ST6GALNAC5: variants seen among roughly 807,000 people sequenced by gnomAD.
ST6GALNAC5 encodes the protein ST6 N-acetylgalactosaminide alpha-2,6-sialyltransferase 5.
Under a neutral mutation model 33.6 loss-of-function variants are expected in ST6GALNAC5, and 27 were observed. The observed-to-expected ratio is 0.80, with a 90% CI of 0.59 to 1.11. ST6GALNAC5 has a LOEUF of 1.11. Among genes scored for constraint, ST6GALNAC5 ranks in the 50% least tolerant of loss-of-function variants. The pLI is 0.00. For synonymous variants in ST6GALNAC5, 194 were observed against 171.2 expected, an observed-to-expected ratio of 1.13 and a Z score of -1.04; for missense variants, 428 against 454.0, an observed-to-expected ratio of 0.94 and a Z score of 0.52.
At chr1:76,899,559 G>A (rs758099688) in intron 2 of ST6GALNAC5, among the ~76,000 whole-genome samples, 12 of 152,158 alleles carry the variant, frequency 7.9e-5, no homozygotes, top group South Asian at 2.1e-4. Context: ...GCGTCCCTGC[G>A]TGGTCTGACA....
At chr1:76,982,523 C>A (rs1409904939) in intron 2 of ST6GALNAC5, among the ~76,000 whole-genome samples, 3 of 151,960 alleles carry the variant, frequency 2.0e-5, no homozygotes, top group African/African-American at 7.2e-5. Context: ...GTGAAAAGAC[C>A]AAATCTACAT....
intron 2 of ST6GALNAC5, among the ~76,000 whole-genome samples, chr1:76,952,705 A>T (rs1647799206): frequency 6.6e-6 from 1 of 152,114 alleles, no homozygotes; most frequent in East Asian, 1.9e-4. Flanking sequence ...TAAAAAGTTT[A>T]AAAAATTAAA....
At chr1:77,000,988 T>C (rs930977875) in intron 2 of ST6GALNAC5, among the ~76,000 whole-genome samples, 2 of 150,968 alleles carry the variant, frequency 1.3e-5, no homozygotes, top group African/African-American at 4.9e-5. Context: ...CTTTTTTGGT[T>C]CCATATGAAC....
intron 2 of ST6GALNAC5, among the ~76,000 whole-genome samples, chr1:76,915,251 T>C (rs1326383443): frequency 1.3e-5 from 2 of 151,538 alleles, no homozygotes; most frequent in South Asian, 4.2e-4. Context: ...GGTGGGACTG[T>C]AAACTAGTTC....
At position 76,980,806 on chromosome 1, in the gene ST6GALNAC5, T is replaced by C. The variant is rs191920264; in HGVS notation, c.262-63398T>C. On this transcript the variant is annotated intron_variant, in intron 2 of 4. Coordinates refer to ENST00000477717, the MANE Select transcript of ST6GALNAC5 (RefSeq NM_030965.3). The stretch of plus-strand genomic sequence containing the variant: ...TAGGTATAAATCTTTATGACCTTGA[T>C]TAGGTATGGATTCTTAGATGTGATA... Among the ~76,000 whole-genome samples the C allele has an allele frequency of 2.3e-3, 343 of 152,234 alleles. 1 individual carries two copies. Among genetic ancestry groups the C allele is most frequent in the African/African-American group, 7.9e-3 (329 of 41,538 alleles).
At chr1:76,976,595 C>A (rs1649022781) in intron 2 of ST6GALNAC5, among the ~76,000 whole-genome samples, 1 of 151,966 alleles carries the variant, frequency 6.6e-6, no homozygotes, top group Non-Finnish European at 1.5e-5. Flanking sequence ...AAAATTTGGC[C>A]CATTTAGGTT....
At chr1:76,965,223 C>T (rs940095219) in intron 2 of ST6GALNAC5, among the ~76,000 whole-genome samples, 1 of 152,014 alleles carries the variant, frequency 6.6e-6, no homozygotes, top group Non-Finnish European at 1.5e-5. Flanking sequence ...CCACCCCCCC[C>T]ACCAACAGTG....
chr1:77,039,730 A>C (rs1651771409), intron 2 of ST6GALNAC5, among the ~76,000 whole-genome samples: 2 of 152,214 alleles, frequency 1.3e-5, no homozygotes, highest in South Asian at 2.1e-4. Context: ...GAAGGAACAG[A>C]GTGTCTCACC....
At chr1:76,953,350 T>C (rs1159253741) in intron 2 of ST6GALNAC5, among the ~76,000 whole-genome samples, 3 of 152,168 alleles carry the variant, frequency 2.0e-5, no homozygotes, top group Non-Finnish European at 4.4e-5. Context: ...GTGTTGTCAC[T>C]GTTTTCCATT....
At chr1:76,966,404 G>A (rs1479872242) in intron 2 of ST6GALNAC5, among the ~76,000 whole-genome samples, 2 of 152,128 alleles carry the variant, frequency 1.3e-5, no homozygotes, top group Admixed American at 1.3e-4. Context: ...CTCTCTGTCT[G>A]TTATTGGTAT....
At chr1:77,020,292 T>C (rs1372871222) in intron 2 of ST6GALNAC5, among the ~76,000 whole-genome samples, 1 of 152,218 alleles carries the variant, frequency 6.6e-6, no homozygotes, top group Non-Finnish European at 1.5e-5. Flanking sequence ...CTTGCACTCG[T>C]TAGGCAGTCC....
At chr1:76,937,027 G>A (rs933039119) in intron 2 of ST6GALNAC5, among the ~76,000 whole-genome samples, 24 of 145,540 alleles carry the variant, frequency 1.6e-4, no homozygotes, top group African/African-American at 6.0e-4. Flanking sequence ...ACATATTTTG[G>A]ATACATTCCT....
intron 1 of ST6GALNAC5, 27 bp downstream of exon 1, chr1:76,867,717 G>T: frequency 6.2e-7 from 1 of 1,613,978 alleles, no homozygotes; most frequent in Middle Eastern, 1.7e-4. Flanking sequence ...AACTCCACCG[G>T]GCAAAGAGGG....
chr1:76,924,029 C>G (rs1343279739), intron 2 of ST6GALNAC5, among the ~76,000 whole-genome samples: 1 of 151,950 alleles, frequency 6.6e-6, no homozygotes, highest in Non-Finnish European at 1.5e-5. Context: ...AAATGTGATG[C>G]CAAGGAGTAG....
intron 3 of ST6GALNAC5, among the ~76,000 whole-genome samples, chr1:77,045,586 G>A (rs1307395234): frequency 1.3e-5 from 2 of 152,160 alleles, no homozygotes; most frequent in South Asian, 4.2e-4. Flanking sequence ...ACTGGTCTGG[G>A]AGATAAGGAA....
intron 2 of ST6GALNAC5, among the ~76,000 whole-genome samples, chr1:77,035,604 G>A (rs997081953): frequency 8.5e-5 from 13 of 152,118 alleles, no homozygotes; most frequent in Non-Finnish European, 1.3e-4. Flanking sequence ...ACTTATTTAG[G>A]GTGGAGGGTG....
intron 2 of ST6GALNAC5, among the ~76,000 whole-genome samples, chr1:76,987,488 G>A (rs534086601): frequency 7.2e-5 from 11 of 152,236 alleles, no homozygotes; most frequent in Admixed American, 6.5e-4. Context: ...TACGTTGCTG[G>A]TCAGAATGCA....
chr1:76,876,691 ACTGCTCAAAGTT>A lies in ST6GALNAC5; in HGVS notation c.261+7954_261+7965del, dbSNP rs1490794823. Among the ~76,000 whole-genome samples, 3 of 152,318 alleles carry A rather than the reference ACTGCTCAAAGTT, an allele frequency of 2.0e-5. No individual in the cohort carries two copies. In the East Asian group the frequency reaches 5.8e-4, roughly 29 times the overall value. ...CCATGCAAAGTGCACAACCACGTGC[ACTGCTCAAAGTT>A]CTGCCCACTGCGAAGATTTCCCTTC... is the stretch of plus-strand genomic sequence containing the variant. On this transcript the variant is annotated intron_variant, in intron 2 of 4. Coordinates refer to ENST00000477717, the MANE Select transcript of ST6GALNAC5 (RefSeq NM_030965.3).
At chr1:76,899,624 A>G (rs1646795515) in intron 2 of ST6GALNAC5, among the ~76,000 whole-genome samples, 1 of 152,190 alleles carries the variant, frequency 6.6e-6, no homozygotes, top group East Asian at 1.9e-4. Flanking sequence ...ATTAAACACC[A>G]AGGGACGGCT....
Sources: gnomAD v4.1 joint callset for allele counts (sites outside exome capture counted in the v4.1 genomes callset) on GRCh38, gnomAD v4.1.1 for gene constraint, MANE v1.5 for transcripts, NCBI Gene and HGNC (gene_info 2026-07-23, HGNC 2026-07-21) for gene names.